The following HTT variants were observed in gnomAD, a reference collection of about 807,000 sequenced individuals.
The protein encoded by HTT is huntingtin, also known as huntington disease protein.
In HTT, 104 loss-of-function variants were observed where a neutral mutation model predicts 362.3. That is an observed-to-expected ratio of 0.29 (90% confidence interval 0.24 to 0.34). HTT has a LOEUF of 0.34. HTT is among the 10% of genes least tolerant of loss of function. The pLI is 1.00. For missense variants in HTT, 3,301 were observed against 3,928.6 expected (o/e 0.84, Z 4.27); for synonymous variants, 1,577 against 1,548.7 (o/e 1.02, Z -0.43).
At chr4:3,076,822 C>T (rs1712578642) in intron 1 of HTT, among the ~76,000 whole-genome samples, 1 of 152,142 alleles carries the variant, frequency 6.6e-6, no homozygotes, top group African/African-American at 2.4e-5. Context: ...CCTTTGCTGC[C>T]TTGACAAAGG....
chr4:3,078,176 G>A (rs1712664897), intron 1 of HTT, among the ~76,000 whole-genome samples: 1 of 152,180 alleles, frequency 6.6e-6, no homozygotes, highest in South Asian at 2.1e-4. Context: ...CTTGCTTCTG[G>A]CAGTTTCTTA....
At chr4:3,161,091 GC>G (rs1424946998) in intron 29 of HTT, among the ~76,000 whole-genome samples, 1 of 151,994 alleles carries the variant, frequency 6.6e-6, no homozygotes, top group Non-Finnish European at 1.5e-5. Flanking sequence ...CTCCCCATGG[GC>G]CCCGGTGTGT....
Position 3,233,186 on chromosome 4 carries a change from C to T in HTT, c.8289C>T (p.Val2763=). 1 of 1,590,818 alleles carries T rather than the reference C, an allele frequency of 6.3e-7. No homozygotes were observed. Among genetic ancestry groups the T allele is most frequent in the Non-Finnish European group, 8.6e-7 (1 of 1,161,448 alleles). The change falls in exon 61 of 67, where the codon GTC becomes GTT. Residue 2763 remains valine (V), a synonymous_variant. Transcript: ENST00000355072. The part of the protein sequence containing the change: ...LGMDKAVAEP[V]SRLLESTLRS... ...AGGACAAGGCCGTGGCGGAGCCTGTCAGCCGCCTGCTGGAGAGCACGCTCA... is the reference window on the plus strand; with the variant it reads ...AGGACAAGGCCGTGGCGGAGCCTGTTAGCCGCCTGCTGGAGAGCACGCTCA...
chr4:3,083,530 T>TACAC (rs56210756), intron 1 of HTT, among the ~76,000 whole-genome samples: 208 of 125,202 alleles, frequency 1.7e-3, no homozygotes, highest in Middle Eastern at 3.9e-3. Context: ...TCTCTAAATA[T>TACAC]ACACACACAC....
At chr4:3,165,248 C>T (rs1451527068) in intron 29 of HTT, among the ~76,000 whole-genome samples, 1 of 152,170 alleles carries the variant, frequency 6.6e-6, no homozygotes, top group East Asian at 1.9e-4. Context: ...AATATTGGCT[C>T]CCACTCTTTT....
chr4:3,077,594 A>AT (rs1276414581), intron 1 of HTT, among the ~76,000 whole-genome samples: 1 of 152,006 alleles, frequency 6.6e-6, no homozygotes, highest in South Asian at 2.1e-4. Flanking sequence ...TAATTTTTGT[A>AT]TTTTTAGTAG....
chr4:3,110,345 GT>G (rs1714680500), intron 6 of HTT, among the ~76,000 whole-genome samples: 1 of 152,136 alleles, frequency 6.6e-6, no homozygotes, highest in Admixed American at 6.5e-5. Context: ...ATGACAGGTA[GT>G]TTACTGAATC....
At chr4:3,077,248 C>G (rs181974554) in intron 1 of HTT, among the ~76,000 whole-genome samples, 1 of 152,022 alleles carries the variant, frequency 6.6e-6, no homozygotes. Context: ...TCTGTAATTA[C>G]AAAAGGGCAA....
At chr4:3,166,172 C>A (rs1237725895) in intron 29 of HTT, among the ~76,000 whole-genome samples, 3 of 152,182 alleles carry the variant, frequency 2.0e-5, no homozygotes, top group Non-Finnish European at 2.9e-5. Flanking sequence ...ACAGGCCCCT[C>A]AGCTGCAGGT....
chr4:3,098,265 A>G (rs1229745145), intron 2 of HTT, among the ~76,000 whole-genome samples: 3 of 152,234 alleles, frequency 2.0e-5, no homozygotes. Context: ...TTATGCTTTT[A>G]TAAGTTTGTT....
chr4:3,159,865 T>C (rs1004351951), intron 28 of HTT, among the ~76,000 whole-genome samples: 1 of 152,216 alleles, frequency 6.6e-6, no homozygotes, highest in African/African-American at 2.4e-5. Flanking sequence ...TGTATCCAAA[T>C]TGAACCAACC....
chr4:3,237,863 G>A (rs1340758593), intron 64 of HTT, among the ~76,000 whole-genome samples: 2 of 152,174 alleles, frequency 1.3e-5, no homozygotes, highest in Admixed American at 6.5e-5. Flanking sequence ...AAGAAGCAGC[G>A]AGAGCACAGA....
chr4:3,232,871 T>G (rs1481120747), intron 60 of HTT, among the ~76,000 whole-genome samples: 1 of 152,202 alleles, frequency 6.6e-6, no homozygotes, highest in African/African-American at 2.4e-5. Flanking sequence ...TCTGCCTGCC[T>G]CGTGCCCAGA....
chr4:3,224,166 A>C lies in HTT; in HGVS notation c.7765+35A>C, dbSNP rs755784701. On this transcript the variant is annotated intron_variant, in intron 56 of 66. Coordinates refer to ENST00000355072, the MANE Select transcript of HTT (RefSeq NM_001388492.1). ...GGAAAGGGTGCGGGGGAGCGGTTGT[A>C]CTTGGGCTAGAATGAGAGAAGACTG... 9 of 1,611,202 alleles carry C rather than the reference A, an allele frequency of 5.6e-6. No individual in the cohort carries two copies. In the Admixed American group the frequency reaches 6.7e-5, roughly 12 times the overall value.
intron 47 of HTT, 92 bp from the exon 48 acceptor site, chr4:3,211,837 C>T: frequency 1.1e-6 from 1 of 911,060 alleles, no homozygotes; most frequent in Non-Finnish European, 1.8e-6. Context: ...GAAACATTTG[C>T]CTTATTCTTT....
intron 48 of HTT, 120 bp from the exon 49 acceptor site, chr4:3,212,444 G>A: frequency 7.9e-7 from 1 of 1,269,210 alleles, no homozygotes. Context: ...GTGTAGATGT[G>A]CCACTGAGGA....
Position 3,233,325 on chromosome 4 carries a change from C to T in HTT, c.8428C>T (p.Leu2810Phe). The T allele has an allele frequency of 6.2e-7, 1 of 1,607,154 alleles. No homozygotes were observed. The highest frequency in any genetic ancestry group is 2.2e-5 in the East Asian group (1 of 44,670). The change falls in exon 61 of 67, where the codon CTC (leucine) becomes TTC (phenylalanine). Residue 2810 changes from leucine (L) to phenylalanine (F), a missense_variant. Physicochemically the swap from Leu to Phe is conservative, Grantham distance 22. This residue lies in a region of HTT where 753 missense variants were observed against 1,021.3 expected (regional missense o/e 0.74). Coordinates refer to ENST00000355072, the MANE Select transcript of HTT (RefSeq NM_001388492.1). ...GCTCATCCCGGTCATCAGCGACTAT[C>T]TCCTCTCCAACCTGAAAGGGATCGC... ...KQLIPVISDYLLSNLKGIAHC... is the reference protein window; with the variant it reads ...KQLIPVISDYFLSNLKGIAHC...
intron 26 of HTT, among the ~76,000 whole-genome samples, chr4:3,151,712 A>G (rs560212449): frequency 1.5e-4 from 23 of 152,120 alleles, no homozygotes; most frequent in Non-Finnish European, 3.1e-4. Context: ...TCCCCCGCCA[A>G]CCCTGGTTTG....
intron 6 of HTT, among the ~76,000 whole-genome samples, chr4:3,109,955 C>T (rs1378505089): frequency 6.6e-6 from 1 of 152,162 alleles, no homozygotes; most frequent in Non-Finnish European, 1.5e-5. Context: ...GGCCAGCATC[C>T]TTAGGAAGGC....
Sources: allele counts gnomAD v4.1 joint callset (sites outside exome capture counted in the v4.1 genomes callset), GRCh38; gene constraint gnomAD v4.1.1; regional missense constraint gnomAD v4.1.1; transcripts MANE v1.5; gene names NCBI Gene and HGNC (gene_info 2026-07-23, HGNC 2026-07-21).